Variants in ASTN2 observed in about 807,000 individuals in gnomAD.
ASTN2 encodes astrotactin 2.
Under a neutral mutation model 139.8 loss-of-function variants are expected in ASTN2, and 54 were observed. That is an observed-to-expected ratio of 0.39 (90% CI 0.31 to 0.48). ASTN2 has a LOEUF of 0.48. Among genes scored for constraint, ASTN2 ranks in the 20% least tolerant of loss-of-function variants. The pLI, the probability that ASTN2 is intolerant of heterozygous loss-of-function variation, is 0.95. For missense variants in ASTN2, 1,565 were observed against 1,725.1 expected, an observed-to-expected ratio of 0.91 and a Z score of 1.64; for synonymous variants, 756 against 719.5, an observed-to-expected ratio of 1.05 and a Z score of -0.81.
chr9:116,951,048 G>C (rs984516991), intron 10 of ASTN2, among the ~76,000 whole-genome samples: 1 of 152,140 alleles, frequency 6.6e-6, no homozygotes, highest in Non-Finnish European at 1.5e-5. Flanking sequence ...AAGAGATAGA[G>C]AGAACTAGGC....
At chr9:116,862,100 C>T (rs768456392) in intron 11 of ASTN2, among the ~76,000 whole-genome samples, 5 of 151,372 alleles carry the variant, frequency 3.3e-5, no homozygotes, top group Non-Finnish European at 5.9e-5. Flanking sequence ...CTTTGAGTCT[C>T]AGATATAGTT....
At chr9:117,287,160 G>T (rs545237959) in intron 2 of ASTN2, among the ~76,000 whole-genome samples, 1 of 152,240 alleles carries the variant, frequency 6.6e-6, no homozygotes, top group East Asian at 1.9e-4. Flanking sequence ...TATTTTCATT[G>T]TGCAGGGCAT....
At chr9:117,066,016 CTTT>C (rs58654004) in intron 5 of ASTN2, among the ~76,000 whole-genome samples, 17,136 of 146,014 alleles carry the variant, frequency 0.12, 1,079 homozygotes, top group East Asian at 0.19. Flanking sequence ...CCCATTTTAT[CTTT>C]TTTTTTTTTT....
intron 19 of ASTN2, among the ~76,000 whole-genome samples, chr9:116,595,040 G>A (rs1191415691): frequency 6.6e-6 from 1 of 152,232 alleles, no homozygotes; most frequent in African/African-American, 2.4e-5. Flanking sequence ...GAATTTCTGA[G>A]TGAGAAAGAA....
At chr9:116,723,134 C>T (rs968972202) in intron 16 of ASTN2, among the ~76,000 whole-genome samples, 1 of 150,860 alleles carries the variant, frequency 6.6e-6, no homozygotes, top group Admixed American at 6.6e-5. Flanking sequence ...CACTGAGCTC[C>T]AGCCTGGGTG....
At chr9:117,351,609 C>T (rs1209466993) in intron 1 of ASTN2, among the ~76,000 whole-genome samples, 3 of 152,090 alleles carry the variant, frequency 2.0e-5, no homozygotes, top group Non-Finnish European at 4.4e-5. Flanking sequence ...TCTCTCTATA[C>T]AAAATGAAAA....
At chr9:117,150,631 A>C (rs970141239) in intron 3 of ASTN2, among the ~76,000 whole-genome samples, 1 of 152,192 alleles carries the variant, frequency 6.6e-6, no homozygotes, top group African/African-American at 2.4e-5. Flanking sequence ...TTGCAATTCC[A>C]AATCTAATAA....
chr9:116,448,585 T>TA (rs1848078037), intron 20 of ASTN2, among the ~76,000 whole-genome samples: 1 of 152,214 alleles, frequency 6.6e-6, no homozygotes, highest in Non-Finnish European at 1.5e-5. Context: ...AGCATGGACT[T>TA]ACAAATAAGA....
chr9:116,777,789 T>G (rs1830120502), intron 13 of ASTN2, among the ~76,000 whole-genome samples: 1 of 152,194 alleles, frequency 6.6e-6, no homozygotes, highest in African/African-American at 2.4e-5. Flanking sequence ...ATGCAGATTC[T>G]AATTTAGTGA....
At chr9:117,335,421 C>G (rs997642453) in intron 1 of ASTN2, among the ~76,000 whole-genome samples, 2 of 152,190 alleles carry the variant, frequency 1.3e-5, no homozygotes, top group African/African-American at 4.8e-5. Flanking sequence ...GTTAGGAAGA[C>G]AGTCTGATCA....
chr9:117,208,318 G>A (rs1327537872), intron 3 of ASTN2, among the ~76,000 whole-genome samples: 1 of 151,522 alleles, frequency 6.6e-6, no homozygotes, highest in Non-Finnish European at 1.5e-5. Context: ...CCATAAAAAA[G>A]AACCAAACAG....
intron 2 of ASTN2, among the ~76,000 whole-genome samples, chr9:117,220,070 A>T (rs1832464187): frequency 1.3e-5 from 2 of 152,212 alleles, no homozygotes; most frequent in African/African-American, 4.8e-5. Context: ...CTAAGGATTA[A>T]ACAAGACATT....
chr9:116,999,987 T>C (rs1391473711), intron 7 of ASTN2, among the ~76,000 whole-genome samples: 1 of 152,226 alleles, frequency 6.6e-6, no homozygotes, highest in Admixed American at 6.5e-5. Context: ...TTAGCAGAGA[T>C]GATATCATAT....
rs762130981 is a variant in ASTN2, at chr9:116,618,469, C to A, written c.3210G>T (p.Leu1070=). The A allele has an allele frequency of 6.2e-7, 1 of 1,610,610 alleles. No individual in the cohort carries two copies. Residue 1070 remains leucine, a synonymous_variant, in exon 19 of 23, where the codon CTG becomes CTT. Transcript: ENST00000313400. ...PNCSPLLQPV[L]RLSPTVEPSS... The stretch of plus-strand genomic sequence containing the variant: ...AGGGCTCCACTGTTGGGGACAGCCG[C>A]AGCCTACAGGGAATAAAAAGGAAGA...
chr9:116,758,654 C>T (rs1404007098), intron 13 of ASTN2, among the ~76,000 whole-genome samples: 3 of 152,112 alleles, frequency 2.0e-5, no homozygotes, highest in Non-Finnish European at 4.4e-5. Flanking sequence ...GATGTGTCTC[C>T]TTTTTTCAAT....
At chr9:117,146,998 A>C (rs1002292254) in intron 3 of ASTN2, among the ~76,000 whole-genome samples, 1 of 152,174 alleles carries the variant, frequency 6.6e-6, no homozygotes, top group Non-Finnish European at 1.5e-5. Context: ...CATATATCAA[A>C]ATATCATACC....
intron 4 of ASTN2, among the ~76,000 whole-genome samples, chr9:117,117,828 C>T (rs764415319): frequency 3.3e-5 from 5 of 152,136 alleles, no homozygotes; most frequent in Non-Finnish European, 7.3e-5. Context: ...TCTAAGCAGC[C>T]GTCACACTCC....
chr9:116,925,039 T>C (rs1834715909), intron 10 of ASTN2, among the ~76,000 whole-genome samples: 1 of 152,148 alleles, frequency 6.6e-6, no homozygotes, highest in African/African-American at 2.4e-5. Context: ...CAGAATCAAA[T>C]CCCTTATTTT....
chr9:116,612,141 CTAGAAA>C (rs1477499943), intron 19 of ASTN2: 2 of 152,080 alleles, frequency 1.3e-5, no homozygotes, highest in African/African-American at 4.8e-5. Context: ...TTGCAGCAGA[CTAGAAA>C]TAGAAGATAC....
Sources: gnomAD v4.1 joint callset for allele counts (sites outside exome capture counted in the v4.1 genomes callset) on GRCh38, gnomAD v4.1.1 for gene constraint, MANE v1.5 for transcripts, NCBI Gene and HGNC (gene_info 2026-07-23, HGNC 2026-07-21) for gene names.